Variants in C16orf90 observed in about 807,000 individuals in gnomAD.
C16orf90 encodes the protein chromosome 16 open reading frame 90.
C16orf90 carries 17 observed loss-of-function variants against 17.1 expected under a neutral mutation model. The observed-to-expected ratio is 1.00, with a 90% CI of 0.68 to 1.49. The LOEUF (loss-of-function observed/expected upper bound fraction) is 1.49, where lower values mean the gene tolerates loss of function less well. C16orf90 is among the 40% of genes most tolerant of loss of function. The pLI, the probability that C16orf90 is intolerant of heterozygous loss-of-function variation, is 0.00. For synonymous variants in C16orf90, 108 were observed against 95.8 expected, an observed-to-expected ratio of 1.13 and a Z score of -0.75; for missense variants, 255 against 235.5, an observed-to-expected ratio of 1.08 and a Z score of -0.54.
At chr16:3,494,406 T>G in intron 2 of C16orf90, 118 bp downstream of exon 2, 1 of 817,646 alleles carries the variant, frequency 1.2e-6, no homozygotes, top group Non-Finnish European at 2.0e-6. Flanking sequence ...GATCTTGGCC[T>G]TCTGGGGCAT....
chr16:3,494,465 C>T, intron 2 of C16orf90, 59 bp downstream of exon 2: 20 of 1,459,204 alleles, frequency 1.4e-5, no homozygotes, highest in Non-Finnish European at 1.6e-5. Context: ...CCTGAGGCCC[C>T]AGCCCAACCA....
At chr16:3,494,015 C>G (rs755642289) in intron 2 of C16orf90, 28 bp from the exon 3 acceptor site, 4 of 1,588,506 alleles carry the variant, frequency 2.5e-6, no homozygotes, top group Non-Finnish European at 3.4e-6. Flanking sequence ...AAAGGAGTCA[C>G]TTGAGGGACC....
At chr16:3,496,005 G>A (rs1411414134), upstream of C16orf90, among the ~76,000 whole-genome samples, 1 of 152,084 alleles carries the variant, frequency 6.6e-6, no homozygotes, top group Non-Finnish European at 1.5e-5. Context: ...GCCGGGCGTC[G>A]TGGCGGGAGC....
chr16:3,496,461 T>C (rs878904200), upstream of C16orf90: 1 of 897,636 alleles, frequency 1.1e-6, no homozygotes, highest in East Asian at 3.9e-5. Context: ...GTGGGGACGC[T>C]TAACGGATGA....
Position 3,494,065 on chromosome 16 carries a change from G to C in C16orf90, c.401-78C>G, listed in dbSNP as rs117193564. On this transcript the variant is annotated intron_variant, in intron 2 of 2. Coordinates refer to ENST00000437192, the MANE Select transcript of C16orf90 (RefSeq NM_001080524.2). ...GGGGGAGGCTGGCAGCCCACCCTGGGGTTTCCAGAATCCGATATTCTTGAA... is the reference window on the plus strand; with the variant it reads ...GGGGGAGGCTGGCAGCCCACCCTGGCGTTTCCAGAATCCGATATTCTTGAA... 2.4e-3 allele frequency: 3,148 copies of C among 1,295,876 alleles called. 74 individuals are homozygous for C. In the East Asian group the frequency reaches 0.056, roughly 23 times the overall value. The allele number at this position is 1,295,876 out of a possible 1,614,324, so 80.3% of individuals were successfully genotyped here.
In C16orf90 at chr16:3,493,738, C is replaced by T. The variant is rs988755450; in HGVS notation, c.*101G>A. On this transcript the variant is annotated 3_prime_UTR_variant, in exon 3 of 3. Coordinates refer to ENST00000437192, the MANE Select transcript of C16orf90 (RefSeq NM_001080524.2). Reference sequence around the variant, plus strand: ...GGCGCTGGGCCGCTGCCTGGGCCACCCCATGTGGCAGGGCCACTGCCGGGG... The same window carrying T: ...GGCGCTGGGCCGCTGCCTGGGCCACTCCATGTGGCAGGGCCACTGCCGGGG... 9 of 1,234,420 alleles carry T rather than the reference C, an allele frequency of 7.3e-6. No individual in the cohort carries two copies. Among genetic ancestry groups the T allele is most frequent in the Non-Finnish European group, 1.0e-5 (9 of 900,116 alleles). 76.5% of individuals were successfully genotyped at this position (1,234,420 alleles called of 1,614,324 possible). A position where few individuals can be genotyped will look rare whatever the true frequency, so the allele number is the denominator to read the frequency against.
In C16orf90 at chr16:3,494,556, G is replaced by A; in HGVS notation, c.368C>T (p.Ala123Val). The change falls in exon 2 of 3, where the codon GCC (alanine) becomes GTC (valine). Residue 123 changes from alanine to valine, a missense_variant. Transcript: ENST00000437192. ...RNSLCSALLE[A>V]RLPRDSLGSS... ...TCCCAGGCTGTCCCTGGGCAATCGGGCTTCCAGAAGGGCTGAACAGAGGCT... is the reference window on the plus strand; with the variant it reads ...TCCCAGGCTGTCCCTGGGCAATCGGACTTCCAGAAGGGCTGAACAGAGGCT... 6.2e-7 allele frequency: 1 copy of A among 1,612,910 alleles called. No homozygotes were observed. The highest frequency in any genetic ancestry group is 1.7e-5 in the Admixed American group (1 of 60,016).
Position 3,495,331 on chromosome 16 carries a change from A to T in C16orf90, c.46+45T>A. The stretch of plus-strand genomic sequence containing the variant: ...CTCGGCTTTGGGCCCAGGTGGGGAC[A>T]GAAGCCTATCTCTCTTCCTGCCACT... On this transcript the variant is annotated intron_variant, in intron 1 of 2. Coordinates refer to ENST00000437192, the MANE Select transcript of C16orf90 (RefSeq NM_001080524.2). 31 of 1,575,240 alleles carry T rather than the reference A, an allele frequency of 2.0e-5. No individual in the cohort carries two copies. In the South Asian group the frequency reaches 3.6e-4, roughly 18 times the overall value.
Position 3,493,611 on chromosome 16 carries a change from G to C in C16orf90, c.*228C>G. 2.4e-6 allele frequency: 1 copy of C among 409,412 alleles called. No homozygotes were observed. 25.4% of individuals were successfully genotyped at this position (409,412 alleles called of 1,614,324 possible). A position where few individuals can be genotyped will look rare whatever the true frequency, so the allele number is the denominator to read the frequency against. ...GTACAAGTGGCTGACTGGAGTCTAA[G>C]CAGGCTGCAAGGGCACGGCCATGCT... On this transcript the variant is annotated 3_prime_UTR_variant, in exon 3 of 3. Coordinates refer to ENST00000437192, the MANE Select transcript of C16orf90 (RefSeq NM_001080524.2).
chr16:3,494,984 C>T (rs985023672), intron 1 of C16orf90, 107 bp from the exon 2 acceptor site: 3 of 860,554 alleles, frequency 3.5e-6, no homozygotes, highest in East Asian at 2.7e-5. Flanking sequence ...GGCTACACCC[C>T]CAGCCAACCT....
rs746102886 is a variant in C16orf90, at chr16:3,493,905, C to G, written c.483G>C (p.Gly161=). 50 of 1,608,408 alleles carry G rather than the reference C, an allele frequency of 3.1e-5. No homozygotes were observed. The highest frequency in any genetic ancestry group is 4.2e-5 in the Non-Finnish European group (50 of 1,177,590). Residue 161 remains glycine (G), a synonymous_variant, in exon 3 of 3, where the codon GGG becomes GGC. Transcript: ENST00000437192. Reference sequence around the variant, plus strand: ...AGGGACACATGGCCTCTTCCCAGGTCCCCCAGGACCTCTTGGGCCTGAGCC... The same window carrying G: ...AGGGACACATGGCCTCTTCCCAGGTGCCCCAGGACCTCTTGGGCCTGAGCC... The part of the protein sequence containing the change: ...PSRLRPKRSW[G]TWEEAMCPLC...
chr16:3,496,597 C>G (rs2037313920), upstream of C16orf90: 5 of 532,764 alleles, frequency 9.4e-6, no homozygotes, highest in Non-Finnish European at 1.5e-5. Context: ...TGGACTCCCT[C>G]AAGGACGGCG....
In C16orf90 at chr16:3,494,521, C is replaced by T. The variant is rs1258863820; in HGVS notation, c.400+3G>A. 1.2e-6 allele frequency: 2 copies of T among 1,612,104 alleles called. No individual in the cohort carries two copies. On this transcript the variant is annotated splice_donor_region_variant and intron_variant, in intron 2 of 2. Transcript: ENST00000437192. Reference sequence around the variant, plus strand: ...TGCCCAGTCCTGCCTTGACAGAGCTCACCACTGCTTCCCAGGCTGTCCCTG... The same window carrying T: ...TGCCCAGTCCTGCCTTGACAGAGCTTACCACTGCTTCCCAGGCTGTCCCTG...
At chr16:3,495,736 C>T (rs1467517896), upstream of C16orf90, among the ~76,000 whole-genome samples, 1 of 152,166 alleles carries the variant, frequency 6.6e-6, no homozygotes. Context: ...TCTCTTGGGG[C>T]CAGCTTCCTC....
In C16orf90 at chr16:3,493,827, C is replaced by A; in HGVS notation, c.*12G>T. 6.3e-7 allele frequency: 1 copy of A among 1,591,822 alleles called. No individual in the cohort carries two copies. On this transcript the variant is annotated 3_prime_UTR_variant, in exon 3 of 3. Coordinates refer to ENST00000437192, the MANE Select transcript of C16orf90 (RefSeq NM_001080524.2). ...CTGCCCCTCCTGTACCCAGTCCTGG[C>A]ACTCGGGATCCCTATGGCCTCTCCA...
chr16:3,495,578 A>G, upstream of C16orf90: 1 of 1,450,226 alleles, frequency 6.9e-7, no homozygotes, highest in South Asian at 1.4e-5. Flanking sequence ...CTAGTTTGGG[A>G]GAGGACAGTG....
At position 3,493,652 on chromosome 16, in the gene C16orf90, C is replaced by G; in HGVS notation, c.*187G>C. On this transcript the variant is annotated 3_prime_UTR_variant, in exon 3 of 3. Coordinates refer to ENST00000437192, the MANE Select transcript of C16orf90 (RefSeq NM_001080524.2). ...CGGCCATGCTTCTATTGCTTCTGCCCCTCCCTCGGAACCTCCTCCTCCTCC... is the reference window on the plus strand; with the variant it reads ...CGGCCATGCTTCTATTGCTTCTGCCGCTCCCTCGGAACCTCCTCCTCCTCC... 2 of 512,564 alleles carry G rather than the reference C, an allele frequency of 3.9e-6. No individual in the cohort carries two copies. The highest frequency in any genetic ancestry group is 3.5e-6 in the Non-Finnish European group (1 of 285,702). The allele number at this position is 512,564 out of a possible 1,614,324, so 31.8% of individuals were successfully genotyped here.
At chr16:3,495,241 G>A in intron 1 of C16orf90, 135 bp downstream of exon 1, 1 of 1,031,888 alleles carries the variant, frequency 9.7e-7, no homozygotes, top group Non-Finnish European at 1.5e-6. Flanking sequence ...GGCCAGCCCA[G>A]GGGCTCATGG....
rs746948375 is a variant in C16orf90 at position 3,495,479 on chromosome 16, C to T, written c.-58G>A. ...GACTTGGGTGCAGCAGGGCCCTGCT[C>T]TCCCCTGCCTAGGGGGTACATTGGC... On this transcript the variant is annotated 5_prime_UTR_variant, in exon 1 of 3. Transcript: ENST00000437192. The T allele has an allele frequency of 3.2e-6, 5 of 1,586,054 alleles. No individual in the cohort carries two copies. In the Admixed American group the frequency reaches 5.3e-5, roughly 17 times the overall value.
Sources: allele counts gnomAD v4.1 joint callset (sites outside exome capture counted in the v4.1 genomes callset), GRCh38; gene constraint gnomAD v4.1.1; transcripts MANE v1.5; gene names NCBI Gene and HGNC (gene_info 2026-07-23, HGNC 2026-07-21).